The following ZNF529 variants were observed in gnomAD, a reference collection of about 807,000 sequenced individuals.
The protein encoded by ZNF529 is zinc finger protein 529.
Under a neutral mutation model 10.1 loss-of-function variants are expected in ZNF529, and 11 were observed. The observed-to-expected ratio is 1.09, with a 90% CI of 0.69 to 1.81. ZNF529 has a LOEUF of 1.81. ZNF529 is among the 40% of genes most tolerant of loss of function. ZNF529 has a pLI of 0.00. For synonymous variants in ZNF529, 204 were observed against 215.7 expected (o/e 0.95, Z 0.47); for missense variants, 624 against 666.8 (o/e 0.94, Z 0.71).
intron 2 of ZNF529, among the ~76,000 whole-genome samples, chr19:36,563,475 A>C (rs764930680): frequency 2.8e-4 from 43 of 152,202 alleles, no homozygotes; most frequent in Non-Finnish European, 5.7e-4. Flanking sequence ...CTGCAAGGAG[A>C]TTGAGAGTAA....
Position 36,554,690 on chromosome 19 carries a change from T to C in ZNF529, c.215A>G (p.Tyr72Cys), listed in dbSNP as rs1424961821. 4 of 1,567,700 alleles carry C rather than the reference T, an allele frequency of 2.6e-6. No individual in the cohort carries two copies. The highest frequency in any genetic ancestry group is 3.5e-6 in the Non-Finnish European group (4 of 1,155,036). The change falls in exon 4 of 5, where the codon TAC becomes TGC. Residue 72 changes from tyrosine to cysteine, a missense_variant. Transcript: ENST00000591340. The part of the protein sequence containing the change: ...NLYWDVMMEN[Y>C]SNLLSLDLES... The stretch of plus-strand genomic sequence containing the variant: ...TTTACCCAGTGAGAGTAAGTTGCTG[T>C]AGTTCTCCATCATCACATCCCAGTA...
intron 1 of ZNF529, chr19:36,594,567 A>G (rs2967427): frequency 0.69 from 105,529 of 152,326 alleles, 36,986 homozygotes; most frequent in African/African-American, 0.79. Flanking sequence ...CAACCACCAC[A>G]CGTGAAAACG....
At chr19:36,564,853 C>T (rs970249179) in intron 2 of ZNF529, among the ~76,000 whole-genome samples, 11 of 152,152 alleles carry the variant, frequency 7.2e-5, no homozygotes, top group African/African-American at 2.4e-4. Flanking sequence ...CTAGGTGCCC[C>T]TCAACAGTGG....
At position 36,597,513 on chromosome 19, in the gene ZNF529, C is replaced by T. The variant is rs374579892; in HGVS notation, c.-128+7613G>A. On this transcript the variant is annotated intron_variant, in intron 1 of 4. Coordinates refer to the ZNF529 transcript ENST00000585960. ...CAGTGGAAATGTTTAGCAGTATCTA[C>T]GAAAACTGAACATACATACATCATA... Among the ~76,000 whole-genome samples, 30 of 152,268 alleles carry T rather than the reference C, an allele frequency of 2.0e-4. 1 individual carries two copies. The highest frequency in any genetic ancestry group is 1.5e-3 in the East Asian group (8 of 5,186).
chr19:36,577,179 G>C (rs2912410), upstream of ZNF529: 440,439 of 453,218 alleles, frequency 0.97, 215,284 homozygotes, highest in Non-Finnish European at 1. Context: ...GGGCTGGTCT[G>C]GAACTCCTGA....
intron 2 of ZNF529, chr19:36,580,385 G>C (rs914618129): frequency 2.6e-5 from 4 of 151,938 alleles, no homozygotes; most frequent in Non-Finnish European, 5.9e-5. Context: ...ATACATAATT[G>C]CATGTGCTAT....
At chr19:36,558,975 T>C (rs531618736) in intron 2 of ZNF529, among the ~76,000 whole-genome samples, 3 of 149,866 alleles carry the variant, frequency 2.0e-5, no homozygotes, top group African/African-American at 7.3e-5. Flanking sequence ...GCAAAGAACC[T>C]GATAGACATT....
chr19:36,573,182 C>T lies in ZNF529; in HGVS notation c.-89G>A, dbSNP rs780578241. The T allele has an allele frequency of 1.3e-4, 41 of 316,358 alleles. No homozygotes were observed. Among genetic ancestry groups the T allele is most frequent in the Non-Finnish European group, 2.0e-4 (31 of 155,480 alleles). 19.6% of individuals were successfully genotyped at this position (316,358 alleles called of 1,614,324 possible). ...CCCGCGTACAGAGGCCTCAGGCTCC[C>T]GGCTCCACGTGGACCGACCTCGCCC... On this transcript the variant is annotated 5_prime_UTR_variant, in exon 1 of 5. Coordinates refer to ENST00000591340, the MANE Select transcript of ZNF529 (RefSeq NM_020951.5).
upstream of ZNF529, chr19:36,577,693 G>C (rs566277599): frequency 6.6e-6 from 1 of 152,506 alleles, no homozygotes; most frequent in South Asian, 2.1e-4. Context: ...GTGTTGCTCA[G>C]TTTGTCTCAA....
rs2035113199 is a variant in ZNF529 at position 36,547,986 on chromosome 19, T to A, written c.572A>T (p.Lys191Ile). ...ATAGTTTTTTCCACCAGTATGTATTTTCTGATATTCATCAAACTCTAAGTC... is the reference window on the plus strand; with the variant it reads ...ATAGTTTTTTCCACCAGTATGTATTATCTGATATTCATCAAACTCTAAGTC... ...SCDLEFDEYQKIHTGGKNYEC... is the reference protein window; with the variant it reads ...SCDLEFDEYQIIHTGGKNYEC... The change falls in exon 5 of 5, where the codon AAA becomes ATA. Residue 191 changes from lysine to isoleucine, a missense_variant. By Grantham distance (102) the Lys-to-Ile change is moderately radical (BLOSUM62 -3). Transcript: ENST00000591340. 1 of 1,613,338 alleles carries A rather than the reference T, an allele frequency of 6.2e-7. No homozygotes were observed. Among genetic ancestry groups the A allele is most frequent in the Admixed American group, 1.7e-5 (1 of 59,930 alleles).
chr19:36,559,112 T>C (rs543214185), intron 2 of ZNF529, among the ~76,000 whole-genome samples: 1 of 151,986 alleles, frequency 6.6e-6, no homozygotes, highest in South Asian at 2.1e-4. Context: ...ACTGCTGTTA[T>C]CAAAAAGACA....
chr19:36,605,519 T>C (rs1432551161), upstream of ZNF529: 1 of 152,290 alleles, frequency 6.6e-6, no homozygotes, highest in Admixed American at 6.5e-5. Context: ...GACGCTCCGA[T>C]CTGTACGAGC....
chr19:36,569,594 G>C (rs994084599), intron 2 of ZNF529, among the ~76,000 whole-genome samples: 1 of 151,312 alleles, frequency 6.6e-6, no homozygotes, highest in Non-Finnish European at 1.5e-5. Flanking sequence ...GTAAAACCCT[G>C]TCTCTACTAA....
chr19:36,560,257 CAAAAAAAAAAA>C, intron 2 of ZNF529, among the ~76,000 whole-genome samples: 1 of 104,336 alleles, frequency 9.6e-6, no homozygotes, highest in Non-Finnish European at 1.9e-5. Context: ...AACTCCGTCT[CAAAAAAAAAAA>C]AAAAAAAAAA....
chr19:36,590,175 C>G (rs986923230), intron 1 of ZNF529, among the ~76,000 whole-genome samples: 7 of 152,016 alleles, frequency 4.6e-5, no homozygotes, highest in African/African-American at 1.7e-4. Flanking sequence ...TTCAGACCAG[C>G]CTAGGCAACA....
Position 36,547,857 on chromosome 19 carries a change from T to C in ZNF529, c.701A>G (p.Asn234Ser). Reference protein sequence around the residue: ...VKPCKYMEYGNTCSFYKDFNV... With the variant: ...VKPCKYMEYGSTCSFYKDFNV... ...AAAGTCTTTATAAAAACTACATGTA[T>C]TCCCATATTCCATATATTTACAAGG... is the stretch of plus-strand genomic sequence containing the variant. Residue 234 changes from asparagine to serine, a missense_variant, in exon 5 of 5, where the codon AAT (asparagine) becomes AGT (serine). Physicochemically the swap from Asn to Ser is conservative, Grantham distance 46. Transcript: ENST00000591340. 1 of 1,611,050 alleles carries C rather than the reference T, an allele frequency of 6.2e-7. No homozygotes were observed. Among genetic ancestry groups the C allele is most frequent in the Non-Finnish European group, 8.5e-7 (1 of 1,177,840 alleles).
At chr19:36,598,266 T>C (rs1022681027) in intron 1 of ZNF529, among the ~76,000 whole-genome samples, 3 of 152,162 alleles carry the variant, frequency 2.0e-5, no homozygotes, top group African/African-American at 7.2e-5. Context: ...TCCCAGCGCT[T>C]TGGGAGGCTG....
At chr19:36,596,307 C>T (rs992795068) in intron 1 of ZNF529, among the ~76,000 whole-genome samples, 2 of 151,902 alleles carry the variant, frequency 1.3e-5, no homozygotes, top group East Asian at 1.9e-4. Context: ...CTCCTGACCT[C>T]GTGATCCACC....
intron 4 of ZNF529, among the ~76,000 whole-genome samples, chr19:36,553,496 G>C (rs1049694575): frequency 6.6e-6 from 1 of 152,110 alleles, no homozygotes; most frequent in African/African-American, 2.4e-5. Context: ...AAGAACTATG[G>C]AAGCTGAGAG....
Sources: allele counts gnomAD v4.1 joint callset (sites outside exome capture counted in the v4.1 genomes callset), GRCh38; gene constraint gnomAD v4.1.1; transcripts MANE v1.5; gene names NCBI Gene and HGNC (gene_info 2026-07-23, HGNC 2026-07-21).